CDK13: variants seen among roughly 807,000 people sequenced by gnomAD.
CDK13 encodes cyclin dependent kinase 13.
CDK13 carries 40 observed loss-of-function variants against 137.6 expected under a neutral mutation model. That is an observed-to-expected ratio of 0.29 (90% CI 0.23 to 0.38). The LOEUF (loss-of-function observed/expected upper bound fraction) is 0.38, where lower values mean the gene tolerates loss of function less well. Among genes scored for constraint, CDK13 ranks in the 10% least tolerant of loss-of-function variants. The pLI is 1.00. For synonymous variants in CDK13, 869 were observed against 760.1 expected (o/e 1.14, Z -2.36); for missense variants, 1,704 against 1,951.8 (o/e 0.87, Z 2.39).
chr7:39,953,832 T>A (rs1038506244), intron 1 of CDK13, among the ~76,000 whole-genome samples: 3 of 152,138 alleles, frequency 2.0e-5, no homozygotes, highest in African/African-American at 7.2e-5. Context: ...CATCTAGAGG[T>A]GGGAAGCACG....
At chr7:39,989,461 A>G (rs1245024897) in intron 2 of CDK13, among the ~76,000 whole-genome samples, 1 of 151,890 alleles carries the variant, frequency 6.6e-6, no homozygotes, top group Non-Finnish European at 1.5e-5. Flanking sequence ...ACAAGTGCTT[A>G]CTTTGGCATT....
chr7:39,956,421 A>G (rs1186591896), intron 1 of CDK13, among the ~76,000 whole-genome samples: 2 of 152,008 alleles, frequency 1.3e-5, no homozygotes, highest in Non-Finnish European at 2.9e-5. Context: ...ATTTCTTTCC[A>G]TTTCTATCAC....
chr7:40,029,376 G>A lies in CDK13; in HGVS notation c.2354-16460G>A, dbSNP rs190241742. On this transcript the variant is annotated intron_variant, in intron 5 of 13. Transcript: ENST00000181839. ...CGGGAGGCAGAAGTTGCAGTGAGCC[G>A]AGATCGTGCCACTGCACACCAGCCT... is the stretch of plus-strand genomic sequence containing the variant. Among the ~76,000 whole-genome samples the A allele has an allele frequency of 3.9e-4, 59 of 151,274 alleles. No homozygotes were observed. In the South Asian group the frequency reaches 0.011, roughly 27 times the overall value.
intron 1 of CDK13, among the ~76,000 whole-genome samples, chr7:39,979,038 A>C (rs1784167632): frequency 6.6e-6 from 1 of 152,056 alleles, no homozygotes; most frequent in South Asian, 2.1e-4. Context: ...AGCTTGATGA[A>C]AGTTGTGAAA....
At chr7:40,004,728 A>AG (rs1489469453) in intron 5 of CDK13, among the ~76,000 whole-genome samples, 2 of 152,264 alleles carry the variant, frequency 1.3e-5, no homozygotes, top group Non-Finnish European at 2.9e-5. Context: ...TGAGTGTATT[A>AG]GAACATATAA....
chr7:39,972,392 A>T (rs540519818), intron 1 of CDK13, among the ~76,000 whole-genome samples: 1 of 152,180 alleles, frequency 6.6e-6, no homozygotes, highest in Non-Finnish European at 1.5e-5. Context: ...TAGTCTCTTC[A>T]TAGCTTTGTG....
intron 2 of CDK13, among the ~76,000 whole-genome samples, chr7:39,990,575 G>A (rs1282098934): frequency 6.6e-6 from 1 of 152,212 alleles, no homozygotes; most frequent in Non-Finnish European, 1.5e-5. Context: ...GCGCTGAAGG[G>A]AATGGATGGC....
At chr7:39,998,736 T>C (rs929197716) in intron 3 of CDK13, 1 of 152,190 alleles carries the variant, frequency 6.6e-6, no homozygotes, top group Admixed American at 6.5e-5. Context: ...TACAAAATTA[T>C]GTATCTTTTT....
chr7:40,024,315 C>T (rs1386043627), intron 5 of CDK13, among the ~76,000 whole-genome samples: 1 of 152,188 alleles, frequency 6.6e-6, no homozygotes, highest in Non-Finnish European at 1.5e-5. Context: ...CTGTACACTA[C>T]TTCTTTTTGT....
chr7:40,084,719 G>A (rs917278396), intron 11 of CDK13, among the ~76,000 whole-genome samples: 2 of 152,232 alleles, frequency 1.3e-5, no homozygotes, highest in Non-Finnish European at 2.9e-5. Flanking sequence ...GATCAGTGAT[G>A]TCAAACATGA....
chr7:39,963,329 A>T (rs981905357), intron 1 of CDK13, among the ~76,000 whole-genome samples: 3 of 152,166 alleles, frequency 2.0e-5, no homozygotes, highest in Admixed American at 2.0e-4. Context: ...CTCCTTGAAG[A>T]GGTCCTTCAC....
At chr7:40,069,194 C>T (rs1786354701) in intron 9 of CDK13, 1 of 389,410 alleles carries the variant, frequency 2.6e-6, no homozygotes, top group African/African-American at 2.1e-5. Flanking sequence ...GTGATTGCAC[C>T]ACTGCCCTTT....
rs1189044343 is a variant in CDK13, at chr7:39,950,340, C to G, written c.-302C>G. The stretch of plus-strand genomic sequence containing the variant: ...GGGCACTTGGAGGACTCGGGACTCC[C>G]CCGCAGGTCAGCGCCCGGCGCATCT... On this transcript the variant is annotated 5_prime_UTR_variant, in exon 1 of 14. Transcript: ENST00000181839. The G allele has an allele frequency of 2.6e-6, 3 of 1,163,080 alleles. No individual in the cohort carries two copies. The African/African-American group carries it at 4.8e-5, about 18-fold the overall frequency. The allele number at this position is 1,163,080 out of a possible 1,614,324, so 72.0% of individuals were successfully genotyped here. A position where few individuals can be genotyped will look rare whatever the true frequency, so the allele number is the denominator to read the frequency against.
At chr7:40,013,502 T>C (rs2116372123) in intron 5 of CDK13, among the ~76,000 whole-genome samples, 1 of 152,346 alleles carries the variant, frequency 6.6e-6, no homozygotes, top group Non-Finnish European at 1.5e-5. Context: ...GAAAGAAAGC[T>C]AGTCACAACA....
intron 5 of CDK13, among the ~76,000 whole-genome samples, chr7:40,019,303 A>G (rs1785065631): frequency 6.6e-6 from 1 of 152,228 alleles, no homozygotes; most frequent in African/African-American, 2.4e-5. Context: ...CGAAGCTGTA[A>G]AAGAAAATTT....
At chr7:40,045,790 G>A in intron 5 of CDK13, 46 bp from the exon 6 acceptor site, 2 of 1,281,012 alleles carry the variant, frequency 1.6e-6, no homozygotes, top group African/African-American at 1.5e-5. Flanking sequence ...TTTATGGAAA[G>A]GTTGTAGGAA....
At chr7:40,005,898 A>T (rs1287992975) in intron 5 of CDK13, among the ~76,000 whole-genome samples, 1 of 151,854 alleles carries the variant, frequency 6.6e-6, no homozygotes, top group Non-Finnish European at 1.5e-5. Context: ...ATTTTTTAAA[A>T]AGTGATTTGT....
chr7:40,031,813 TTTA>T (rs1158191706), intron 5 of CDK13, among the ~76,000 whole-genome samples: 15 of 132,960 alleles, frequency 1.1e-4, no homozygotes, highest in Admixed American at 1.6e-4. Flanking sequence ...GCTCGGCTAA[TTTA>T]TTATTATTAT....
chr7:40,005,293 T>A (rs1176765886), intron 5 of CDK13, among the ~76,000 whole-genome samples: 1 of 81,494 alleles, frequency 1.2e-5, no homozygotes, highest in Non-Finnish European at 3.7e-5. Flanking sequence ...AAAGTGAATT[T>A]TTTTTTTTTT....
Sources: gnomAD v4.1 joint callset for allele counts (sites outside exome capture counted in the v4.1 genomes callset) on GRCh38, gnomAD v4.1.1 for gene constraint, MANE v1.5 for transcripts, NCBI Gene and HGNC (gene_info 2026-07-23, HGNC 2026-07-21) for gene names.